Variants in ABCA13 observed in about 807,000 individuals in gnomAD.
The protein encoded by ABCA13 is ATP-binding cassette sub-family A member 13.
A neutral mutation model predicts 478.7 loss-of-function variants in ABCA13; 476 were observed. The ratio of observed to expected loss-of-function variants is 0.99; its 90% confidence interval spans 0.92 to 1.07. The LOEUF is 1.07. Among genes scored for constraint, ABCA13 ranks in the 50% least tolerant of loss-of-function variants. The pLI, the probability that ABCA13 is intolerant of heterozygous loss-of-function variation, is 0.00. For synonymous variants in ABCA13, 2,252 were observed against 2,158.9 expected (o/e 1.04, Z -1.20); for missense variants, 6,060 against 5,910.6 (o/e 1.03, Z -0.83).
At position 48,403,772 on chromosome 7, in the gene ABCA13, T is replaced by C. The variant is rs774567574; in HGVS notation, c.11963T>C (p.Ile3988Thr). The C allele has an allele frequency of 6.2e-7, 1 of 1,614,008 alleles. No individual in the cohort carries two copies. The highest frequency in any genetic ancestry group is 1.1e-5 in the South Asian group (1 of 91,078). ...GGLKRKLSLG[I>T]AFMGMSRTVV... is the part of the protein sequence containing the mutation. Reference sequence around the variant, plus strand: ...CTGAAGAGGAAGCTCTCCCTTGGCATTGCTTTCATGGGCATGTCGAGGACC... The same window carrying C: ...CTGAAGAGGAAGCTCTCCCTTGGCACTGCTTTCATGGGCATGTCGAGGACC... Residue 3988 changes from isoleucine to threonine, a missense_variant, in exon 39 of 62, where the codon ATT becomes ACT. Physicochemically the swap from Ile to Thr is moderately conservative, Grantham distance 89 (BLOSUM62 -1). Around this residue, in one of 3 missense-constraint regions of ABCA13, gnomAD observed 1,627 missense variants for 1,571.0 expected, o/e 1.04. Coordinates refer to ENST00000435803, the MANE Select transcript of ABCA13 (RefSeq NM_152701.5).
At chr7:48,342,055 A>G (rs1807322622) in intron 29 of ABCA13, among the ~76,000 whole-genome samples, 1 of 151,188 alleles carries the variant, frequency 6.6e-6, no homozygotes, top group Admixed American at 6.6e-5. Flanking sequence ...TATTTTAAAC[A>G]TGTGGTGTAA....
At chr7:48,472,546 G>T (rs1183700557) in intron 45 of ABCA13, among the ~76,000 whole-genome samples, 1 of 152,168 alleles carries the variant, frequency 6.6e-6, no homozygotes, top group Non-Finnish European at 1.5e-5. Context: ...GGCCAAGGAA[G>T]TCAAGGATGT....
At chr7:48,480,785 A>G (rs1828675242) in intron 45 of ABCA13, among the ~76,000 whole-genome samples, 2 of 152,208 alleles carry the variant, frequency 1.3e-5, no homozygotes, top group South Asian at 4.1e-4. Context: ...AATCTGCCCA[A>G]ACTTACATAC....
At chr7:48,619,263 C>G (rs548270694) in intron 59 of ABCA13, among the ~76,000 whole-genome samples, 27 of 151,894 alleles carry the variant, frequency 1.8e-4, no homozygotes, top group African/African-American at 6.3e-4. Context: ...GACCCCTGAT[C>G]TATGGATAAC....
Position 48,227,560 on chromosome 7 carries a change from C to T in ABCA13, c.632+135C>T, listed in dbSNP as rs893706252. ...TAATGTTACCTTGAAACAAGAGGAG[C>T]TTCTGCACCTCCACGAACGTCCCTC... On this transcript the variant is annotated intron_variant, in intron 6 of 61. Transcript: ENST00000435803. The T allele has an allele frequency of 7.8e-6, 8 of 1,028,756 alleles. No individual in the cohort carries two copies. The African/African-American group carries it at 1.3e-4, about 17-fold the overall frequency. 63.7% of individuals were successfully genotyped at this position (1,028,756 alleles called of 1,614,324 possible).
At chr7:48,382,677 T>C (rs1051873924) in intron 35 of ABCA13, among the ~76,000 whole-genome samples, 1 of 152,246 alleles carries the variant, frequency 6.6e-6, no homozygotes, top group East Asian at 1.9e-4. Context: ...TTCTCATTCC[T>C]TTTTCTTGGG....
At chr7:48,459,722 A>G (rs926953858) in intron 43 of ABCA13, among the ~76,000 whole-genome samples, 2 of 152,228 alleles carry the variant, frequency 1.3e-5, no homozygotes, top group African/African-American at 4.8e-5. Flanking sequence ...ATAAATGATT[A>G]CTTTCATTAA....
intron 31 of ABCA13, among the ~76,000 whole-genome samples, chr7:48,357,905 A>G (rs542226841): frequency 4.0e-4 from 61 of 151,714 alleles, no homozygotes; most frequent in Non-Finnish European, 6.8e-4. Context: ...GCACTTTGGG[A>G]GGCCGAGGCG....
Position 48,484,558 on chromosome 7 carries a change from G to C in ABCA13, c.13182+1395G>C, listed in dbSNP as rs564530457. 1.1e-4 allele frequency among the ~76,000 whole-genome samples: 17 copies of C among 152,256 alleles called. No individual in the cohort carries two copies. The South Asian group carries it at 3.5e-3, about 32-fold the overall frequency. ...CTAAACCCTTCTTACGTATTCATAG[G>C]AGATGGTTGTGTCTTTGCTTTGAAG... On this transcript the variant is annotated intron_variant, in intron 47 of 61. Transcript: ENST00000435803.
At position 48,240,920 on chromosome 7, in the gene ABCA13, G is replaced by T. The variant is rs1362023256; in HGVS notation, c.1116G>T (p.Met372Ile). 8.7e-6 allele frequency: 14 copies of T among 1,611,166 alleles called. No individual in the cohort carries two copies. The highest frequency in any genetic ancestry group is 1.2e-5 in the Non-Finnish European group (14 of 1,178,130). The change falls in exon 10 of 62, where the codon ATG (methionine) becomes ATT (isoleucine). Residue 372 changes from methionine to isoleucine, a missense_variant. Met to Ile is a conservative substitution (Grantham distance 10, BLOSUM62 1). Around this residue, in one of 3 missense-constraint regions of ABCA13, gnomAD observed 4,423 missense variants for 4,309.1 expected, o/e 1.03. Transcript: ENST00000435803. ...GSLLQKTLTGMGHSLEALRNQ... is the reference protein window; with the variant it reads ...GSLLQKTLTGIGHSLEALRNQ... ...TGCTTCAGAAGACACTCACAGGCAT[G>T]GGCCATAGTCTGGAGGCTCTCAGGA...
In ABCA13 at chr7:48,619,070, C is replaced by G. The variant is rs559883141; in HGVS notation, c.14837+3693C>G. ...GCCTGGAGGAAGCCAGGCTTGCCCA[C>G]TTTGCAGAGGAAGGCAGGGAGCTCT... On this transcript the variant is annotated intron_variant, in intron 59 of 61. Transcript: ENST00000435803. Among the ~76,000 whole-genome samples, 3 of 152,340 alleles carry G rather than the reference C, an allele frequency of 2.0e-5. No individual in the cohort carries two copies. In the South Asian group the frequency reaches 6.2e-4, roughly 32 times the overall value.
chr7:48,304,184 G>T (rs984673307), intron 23 of ABCA13, among the ~76,000 whole-genome samples: 28 of 152,044 alleles, frequency 1.8e-4, no homozygotes, highest in African/African-American at 6.8e-4. Flanking sequence ...ATAAAACCTG[G>T]ATAGTTTTTA....
At chr7:48,313,370 C>A (rs1319971285) in intron 25 of ABCA13, 139 bp downstream of exon 25, 3 of 858,078 alleles carry the variant, frequency 3.5e-6, no homozygotes, top group Non-Finnish European at 5.2e-6. Flanking sequence ...CTTTTCATAT[C>A]TCTGGAAGCA....
At chr7:48,262,456 T>C (rs531272380) in intron 15 of ABCA13, among the ~76,000 whole-genome samples, 11 of 152,064 alleles carry the variant, frequency 7.2e-5, no homozygotes, top group African/African-American at 2.2e-4. Context: ...AAATTAACTT[T>C]ACCCTCTTTT....
Position 48,580,374 on chromosome 7 carries a change from G to A in ABCA13, c.14505G>A (p.Glu4835=), listed in dbSNP as rs1388951876. The change falls in exon 56 of 62, where the codon GAG becomes GAA. Residue 4835 remains glutamate, a splice_region_variant and synonymous_variant. Coordinates refer to ENST00000435803, the MANE Select transcript of ABCA13 (RefSeq NM_152701.5). ...GGATTCCAAGGCAGTGCATCCCTGA[G>A]GTAAATCTCCCTGGGGTCTTCTAGA... ...LRGIPRQCIP[E]VAGDLIRRLH... The A allele has an allele frequency of 1.9e-6, 3 of 1,610,890 alleles. No individual in the cohort carries two copies. Among genetic ancestry groups the A allele is most frequent in the South Asian group, 1.1e-5 (1 of 90,276 alleles).
At chr7:48,337,547 T>C (rs879187648) in intron 28 of ABCA13, among the ~76,000 whole-genome samples, 3 of 152,248 alleles carry the variant, frequency 2.0e-5, no homozygotes, top group Admixed American at 2.0e-4. Context: ...AATTCCTATA[T>C]GGACCTCTTG....
chr7:48,467,163 A>G, intron 44 of ABCA13, 118 bp downstream of exon 44: 1 of 1,032,358 alleles, frequency 9.7e-7, no homozygotes, highest in Non-Finnish European at 1.5e-6. Context: ...GTTATAAAAA[A>G]TGAAAATTAG....
intron 27 of ABCA13, among the ~76,000 whole-genome samples, chr7:48,334,469 G>C (rs1805909021): frequency 6.6e-6 from 1 of 152,010 alleles, no homozygotes; most frequent in Non-Finnish European, 1.5e-5. Flanking sequence ...CAAGTAGCTG[G>C]GATTACAGGT....
At chr7:48,527,092 G>A (rs1832936511) in intron 54 of ABCA13, among the ~76,000 whole-genome samples, 1 of 152,166 alleles carries the variant, frequency 6.6e-6, no homozygotes, top group Non-Finnish European at 1.5e-5. Context: ...GGAAAGGTGG[G>A]AGGACAGGGT....
Sources: allele counts gnomAD v4.1 joint callset (sites outside exome capture counted in the v4.1 genomes callset), GRCh38; gene constraint gnomAD v4.1.1; regional missense constraint gnomAD v4.1.1; transcripts MANE v1.5; gene names NCBI Gene and HGNC (gene_info 2026-07-23, HGNC 2026-07-21).